E2F3: variants seen among roughly 807,000 people sequenced by gnomAD.
The protein encoded by E2F3 is E2F transcription factor 3.
Under a neutral mutation model 44.4 loss-of-function variants are expected in E2F3, and 11 were observed. That is an observed-to-expected ratio of 0.25 (90% CI 0.16 to 0.41). The LOEUF is 0.41. Among genes scored for constraint, E2F3 ranks in the 10% least tolerant of loss-of-function variants. The pLI, the probability that E2F3 is intolerant of heterozygous loss-of-function variation, is 1.00. For synonymous variants in E2F3, 249 were observed against 253.0 expected, an observed-to-expected ratio of 0.98 and a Z score of 0.15; for missense variants, 487 against 583.6, an observed-to-expected ratio of 0.83 and a Z score of 1.70.
At chr6:20,405,468 C>A (rs1389578305) in intron 1 of E2F3, among the ~76,000 whole-genome samples, 1 of 151,210 alleles carries the variant, frequency 6.6e-6, no homozygotes, top group Non-Finnish European at 1.5e-5. Context: ...GCCTCAGCCT[C>A]CTGAGTAGCT....
chr6:20,471,248 T>C (rs556096649), intron 1 of E2F3, among the ~76,000 whole-genome samples: 1 of 152,190 alleles, frequency 6.6e-6, no homozygotes, highest in African/African-American at 2.4e-5. Context: ...TATAAATGTA[T>C]AATAACTTAC....
chr6:20,426,998 C>T (rs573132058), intron 1 of E2F3, among the ~76,000 whole-genome samples: 1 of 152,264 alleles, frequency 6.6e-6, no homozygotes, highest in African/African-American at 2.4e-5. Context: ...CCCCAAACCA[C>T]CTATCCATAC....
intron 1 of E2F3, among the ~76,000 whole-genome samples, chr6:20,450,238 C>T (rs2127600485): frequency 6.6e-6 from 1 of 152,218 alleles, no homozygotes; most frequent in South Asian, 2.1e-4. Flanking sequence ...TTTATACTTC[C>T]ACCAACAATG....
intron 1 of E2F3, among the ~76,000 whole-genome samples, chr6:20,473,123 G>A (rs1158029594): frequency 2.6e-5 from 4 of 152,156 alleles, no homozygotes; most frequent in African/African-American, 9.7e-5. Context: ...GGAGTAGGGA[G>A]AAAGTTTGCT....
intron 1 of E2F3, among the ~76,000 whole-genome samples, chr6:20,470,300 T>C (rs775052171): frequency 5.3e-5 from 8 of 152,212 alleles, no homozygotes; most frequent in Non-Finnish European, 1.2e-4. Flanking sequence ...CTTGCCTGTA[T>C]ACTTGTTGAT....
chr6:20,467,612 C>G (rs755539744), intron 1 of E2F3, among the ~76,000 whole-genome samples: 2 of 152,098 alleles, frequency 1.3e-5, no homozygotes, highest in Non-Finnish European at 2.9e-5. Flanking sequence ...CTTGTGGGAG[C>G]GAGGTTCTGT....
intron 1 of E2F3, among the ~76,000 whole-genome samples, chr6:20,466,520 T>G (rs1357873721): frequency 6.6e-6 from 1 of 152,206 alleles, no homozygotes; most frequent in Non-Finnish European, 1.5e-5. Flanking sequence ...GAGCACTTTT[T>G]CATGTTCTTA....
chr6:20,443,715 C>T (rs1760847989), intron 1 of E2F3, among the ~76,000 whole-genome samples: 1 of 152,034 alleles, frequency 6.6e-6, no homozygotes, highest in Admixed American at 6.6e-5. Flanking sequence ...TCCCATTCTG[C>T]CCCCCAATTT....
rs903934000 is a variant in E2F3 at position 20,492,550 on chromosome 6, T to C, written c.*2120T>C. The C allele has an allele frequency of 4.3e-6, 1 of 233,190 alleles. No individual in the cohort carries two copies. Among genetic ancestry groups the C allele is most frequent in the African/African-American group, 2.2e-5 (1 of 45,322 alleles). 14.4% of individuals were successfully genotyped at this position (233,190 alleles called of 1,614,324 possible). A position where few individuals can be genotyped will look rare whatever the true frequency, so the allele number is the denominator to read the frequency against. ...CCCATATTTATCTCATCTGGTTAGC[T>C]GCCTCTGCTTCCAGCTTTGTGTAAT... On this transcript the variant is annotated 3_prime_UTR_variant, in exon 7 of 7. Transcript: ENST00000346618.
At chr6:20,461,676 TTTTG>T (rs1561872515) in intron 1 of E2F3, among the ~76,000 whole-genome samples, 1 of 152,374 alleles carries the variant, frequency 6.6e-6, no homozygotes, top group Non-Finnish European at 1.5e-5. Context: ...TCTGAGGTTT[TTTTG>T]TTTGTTTTTT....
intron 1 of E2F3, among the ~76,000 whole-genome samples, chr6:20,448,875 A>G (rs568078614): frequency 6.6e-6 from 1 of 152,364 alleles, no homozygotes; most frequent in East Asian, 1.9e-4. Context: ...AGAAATGTAA[A>G]TTCATTGGCT....
chr6:20,486,466 GT>G (rs1397382517), intron 4 of E2F3, among the ~76,000 whole-genome samples: 2 of 152,114 alleles, frequency 1.3e-5, no homozygotes. Context: ...TAGAGACGGG[GT>G]TTCACCGTGT....
At position 20,491,243 on chromosome 6, in the gene E2F3, AT is replaced by A; in HGVS notation, c.*820del. The A allele has an allele frequency of 8.6e-6, 2 of 231,656 alleles. No individual in the cohort carries two copies. Among genetic ancestry groups the A allele is most frequent in the Non-Finnish European group, 1.7e-5 (2 of 116,766 alleles). The allele number at this position is 231,656 out of a possible 1,614,324, so 14.4% of individuals were successfully genotyped here. A position where few individuals can be genotyped will look rare whatever the true frequency, so the allele number is the denominator to read the frequency against. On this transcript the variant is annotated 3_prime_UTR_variant, in exon 7 of 7. Transcript: ENST00000346618. ...CTTTGTGGATTGTTCTAGACTTTTA[AT>A]TTTTTTAGCTGCCATTTAAGCATTC...
At chr6:20,472,814 G>A (rs1406495460) in intron 1 of E2F3, among the ~76,000 whole-genome samples, 3 of 152,162 alleles carry the variant, frequency 2.0e-5, no homozygotes, top group Non-Finnish European at 4.4e-5. Flanking sequence ...AATGATTATA[G>A]GAGAGGAGTA....
chr6:20,436,478 CAGAGAGAGAG>C (rs1253677474), intron 1 of E2F3, among the ~76,000 whole-genome samples: 389 of 125,452 alleles, frequency 3.1e-3, no homozygotes, highest in African/African-American at 0.011. Flanking sequence ...CACACACACA[CAGAGAGAGAG>C]AGAGAGAAAA....
In E2F3 at chr6:20,493,558, TA is replaced by T. The variant is rs754411000; in HGVS notation, c.*3137del. On this transcript the variant is annotated 3_prime_UTR_variant, in exon 7 of 7. Transcript: ENST00000346618. The stretch of plus-strand genomic sequence containing the variant: ...AAAAAAGAAAATATGTAATATAATG[TA>T]AAAAAAAACAAAAAAAAGCTTTTAT... 149 of 199,938 alleles carry T rather than the reference TA, an allele frequency of 7.5e-4. No individual in the cohort carries two copies. Among genetic ancestry groups the T allele is most frequent in the African/African-American group, 3.1e-3 (130 of 42,172 alleles). The allele number at this position is 199,938 out of a possible 1,614,324, so 12.4% of individuals were successfully genotyped here.
intron 1 of E2F3, among the ~76,000 whole-genome samples, chr6:20,470,259 T>C (rs1761846098): frequency 6.6e-6 from 1 of 152,216 alleles, no homozygotes; most frequent in Non-Finnish European, 1.5e-5. Flanking sequence ...TATTCATTCA[T>C]AATAAATTTC....
chr6:20,413,286 C>CAG (rs137856637), intron 1 of E2F3, among the ~76,000 whole-genome samples: 11,987 of 152,246 alleles, frequency 0.079, 1,502 homozygotes, highest in African/African-American at 0.26. Flanking sequence ...TATCCTCTGT[C>CAG]AGAAGCCCTA....
At chr6:20,469,210 T>C (rs1339123578) in intron 1 of E2F3, among the ~76,000 whole-genome samples, 1 of 152,224 alleles carries the variant, frequency 6.6e-6, no homozygotes, top group Non-Finnish European at 1.5e-5. Context: ...GTTTATACAG[T>C]CATGATGTAT....
Sources: gnomAD v4.1 joint callset for allele counts (sites outside exome capture counted in the v4.1 genomes callset) on GRCh38, gnomAD v4.1.1 for gene constraint, MANE v1.5 for transcripts, NCBI Gene and HGNC (gene_info 2026-07-23, HGNC 2026-07-21) for gene names.